Variants in STARD13 observed in about 807,000 individuals in gnomAD.
The protein encoded by STARD13 is StAR related lipid transfer domain containing 13.
STARD13 carries 62 observed loss-of-function variants against 106.4 expected under a neutral mutation model. That is an observed-to-expected ratio of 0.58 (90% confidence interval 0.48 to 0.72). The LOEUF is 0.72. STARD13 is among the 30% of genes least tolerant of loss of function. STARD13 has a pLI of 0.00. For synonymous variants in STARD13, 565 were observed against 553.0 expected (o/e 1.02, Z -0.31); for missense variants, 1,387 against 1,424.0 (o/e 0.97, Z 0.42).
At chr13:33,269,920 T>C (rs1475919868) in intron 1 of STARD13, among the ~76,000 whole-genome samples, 1 of 152,184 alleles carries the variant, frequency 6.6e-6, no homozygotes, top group Admixed American at 6.5e-5. Context: ...CAAGTAGGTG[T>C]TGCCCATTTG....
At chr13:33,518,524 ACCT>A in the STARD13 span, among the ~76,000 whole-genome samples, 3 of 152,016 alleles carry the variant, frequency 2.0e-5, no homozygotes, top group African/African-American at 7.2e-5. Flanking sequence ...GATTCAGGAG[ACCT>A]CATTTTTGTT....
At chr13:33,675,619 C>A in the STARD13 span, among the ~76,000 whole-genome samples, 1 of 152,124 alleles carries the variant, frequency 6.6e-6, no homozygotes, top group Non-Finnish European at 1.5e-5. Context: ...CAGATTGGTG[C>A]TCTCTGTGAA....
At chr13:33,310,927 A>G (rs1472283586) in intron 1 of STARD13, among the ~76,000 whole-genome samples, 1 of 152,134 alleles carries the variant, frequency 6.6e-6, no homozygotes, top group Non-Finnish European at 1.5e-5. Context: ...TGAATACTGC[A>G]GGCAACTGTA....
At chr13:33,594,796 G>A in the STARD13 span, among the ~76,000 whole-genome samples, 3 of 152,166 alleles carry the variant, frequency 2.0e-5, no homozygotes, top group African/African-American at 7.2e-5. Context: ...GGTTCACTGA[G>A]CAGAATATCT....
At chr13:33,202,333 A>G (rs1887099127) in intron 1 of STARD13, among the ~76,000 whole-genome samples, 2 of 152,360 alleles carry the variant, frequency 1.3e-5, no homozygotes, top group South Asian at 4.1e-4. Flanking sequence ...ATATGCTGTT[A>G]TGCCATAAGG....
chr13:33,399,430 C>T, the STARD13 span, among the ~76,000 whole-genome samples: 2 of 152,048 alleles, frequency 1.3e-5, no homozygotes, highest in African/African-American at 2.4e-5. Flanking sequence ...CATGGTGGTT[C>T]ACACCTGTAA....
chr13:33,675,777 C>A, the STARD13 span, among the ~76,000 whole-genome samples: 1 of 152,114 alleles, frequency 6.6e-6, no homozygotes, highest in Non-Finnish European at 1.5e-5. Flanking sequence ...TACGTCTTCT[C>A]TTTTAAGTTC....
chr13:33,364,830 A>C, the STARD13 span, among the ~76,000 whole-genome samples: 2 of 152,194 alleles, frequency 1.3e-5, no homozygotes, highest in Non-Finnish European at 2.9e-5. Context: ...CGGAGCTTGC[A>C]GTGAGCCGAG....
At chr13:33,376,219 A>G in the STARD13 span, among the ~76,000 whole-genome samples, 1 of 152,176 alleles carries the variant, frequency 6.6e-6, no homozygotes, top group South Asian at 2.1e-4. Flanking sequence ...GTGGGTAGAG[A>G]TGAAGTGATA....
the STARD13 span, among the ~76,000 whole-genome samples, chr13:33,360,427 A>G: frequency 5.9e-5 from 9 of 151,754 alleles, no homozygotes; most frequent in African/African-American, 7.2e-5. Flanking sequence ...GCTGGTCTCT[A>G]TCTCCTGACC....
chr13:33,564,050 G>A, the STARD13 span, among the ~76,000 whole-genome samples: 2 of 145,308 alleles, frequency 1.4e-5, 1 homozygote, highest in Non-Finnish European at 3.0e-5. Context: ...AATTAGCCGG[G>A]TGTGGTGGTG....
At position 33,126,148 on chromosome 13, in the gene STARD13, G is replaced by A. The variant is rs372608373; in HGVS notation, c.2015C>T (p.Thr672Met). The A allele has an allele frequency of 2.9e-5, 46 of 1,614,034 alleles. No homozygotes were observed. The Middle Eastern group carries it at 8.2e-4, about 29-fold the overall frequency. ...AATACTTTGAGGCAGGGGCTGTCCC[G>A]TTCTTTGGACGTGGACTATGAGAGG... ...GVPLIVHVQR[T>M]GQPLPQSIQQ... The change falls in exon 7 of 14, where the codon ACG (threonine) becomes ATG (methionine). Residue 672 changes from threonine (T) to methionine (M), a missense_variant. Thr to Met is a moderately conservative substitution (Grantham distance 81, BLOSUM62 -1). Transcript: ENST00000336934.
chr13:33,119,747 AT>A (rs1218713839), intron 7 of STARD13, among the ~76,000 whole-genome samples: 1 of 152,344 alleles, frequency 6.6e-6, no homozygotes, highest in East Asian at 1.9e-4. Flanking sequence ...CAGGCTGATA[AT>A]ATTGTCACTT....
chr13:33,404,689 C>T, the STARD13 span, among the ~76,000 whole-genome samples: 1 of 152,044 alleles, frequency 6.6e-6, no homozygotes, highest in Non-Finnish European at 1.5e-5. Flanking sequence ...TAAGTTTCTC[C>T]CTCACCAGAC....
chr13:33,220,138 TAATAGGC>T (rs1888275238), intron 1 of STARD13, among the ~76,000 whole-genome samples: 1 of 152,186 alleles, frequency 6.6e-6, no homozygotes, highest in African/African-American at 2.4e-5. Flanking sequence ...TGCTGGCACA[TAATAGGC>T]ATTCAAATAT....
the STARD13 span, among the ~76,000 whole-genome samples, chr13:33,408,076 T>A: frequency 0.027 from 4,126 of 152,256 alleles, 184 homozygotes; most frequent in African/African-American, 0.093. Context: ...CTCTACCCAT[T>A]GCCTGTGCCT....
At chr13:33,527,294 G>A in the STARD13 span, among the ~76,000 whole-genome samples, 1 of 151,290 alleles carries the variant, frequency 6.6e-6, no homozygotes, top group Non-Finnish European at 1.5e-5. Flanking sequence ...CTCTTCCTTT[G>A]TTCCTTTCCC....
chr13:33,486,195 G>T, the STARD13 span, among the ~76,000 whole-genome samples: 2 of 152,144 alleles, frequency 1.3e-5, no homozygotes, highest in African/African-American at 4.8e-5. Flanking sequence ...ATGTGAATGG[G>T]TTTCTCAGTG....
At chr13:33,321,804 GA>G (rs1893570085) in intron 1 of STARD13, among the ~76,000 whole-genome samples, 1 of 152,168 alleles carries the variant, frequency 6.6e-6, no homozygotes, top group Non-Finnish European at 1.5e-5. Flanking sequence ...TCTCCTCTGA[GA>G]AGAGTTCCAT....
Sources: allele counts gnomAD v4.1 joint callset (sites outside exome capture counted in the v4.1 genomes callset), GRCh38; gene constraint gnomAD v4.1.1; transcripts MANE v1.5; gene names NCBI Gene and HGNC (gene_info 2026-07-23, HGNC 2026-07-21).